Variants in MREG observed in about 807,000 individuals in gnomAD.
The protein encoded by MREG is melanoregulin.
MREG carries 31 observed loss-of-function variants against 28.5 expected under a neutral mutation model. The ratio of observed to expected loss-of-function variants is 1.09; its 90% confidence interval spans 0.82 to 1.47. The LOEUF (loss-of-function observed/expected upper bound fraction) is 1.47. Ranked by LOEUF, MREG falls within the 40% of genes most tolerant of loss-of-function variation. The probability of loss-of-function intolerance (pLI) is 0.00; values close to 1 mark genes in which losing one functional copy is unlikely to be tolerated. For synonymous variants in MREG, 106 were observed against 95.2 expected (o/e 1.11, Z -0.66); for missense variants, 256 against 257.4 (o/e 0.99, Z 0.04).
upstream of MREG, among the ~76,000 whole-genome samples, chr2:216,017,423 T>G (rs1381293503): frequency 6.6e-6 from 1 of 152,212 alleles, no homozygotes; most frequent in African/African-American, 2.4e-5. Context: ...GTGACCAAAC[T>G]CTCCAGTTTC....
At chr2:215,999,237 CTTCA>C (rs1693949551) in intron 1 of MREG, among the ~76,000 whole-genome samples, 1 of 152,214 alleles carries the variant, frequency 6.6e-6, no homozygotes, top group Non-Finnish European at 1.5e-5. Context: ...GGTGTCCAAG[CTTCA>C]TTCTGTGAAC....
At chr2:215,961,237 T>C (rs1692779140) in intron 2 of MREG, among the ~76,000 whole-genome samples, 1 of 152,240 alleles carries the variant, frequency 6.6e-6, no homozygotes, top group African/African-American at 2.4e-5. Context: ...AGCTTGGATG[T>C]CTCACCACTC....
chr2:215,959,910 C>T (rs886318770), intron 2 of MREG, among the ~76,000 whole-genome samples: 3 of 152,174 alleles, frequency 2.0e-5, no homozygotes, highest in Non-Finnish European at 4.4e-5. Context: ...TTTGAACTTC[C>T]TCAGTTCCTT....
intron 2 of MREG, among the ~76,000 whole-genome samples, chr2:215,956,137 GA>G (rs1198162899): frequency 2.6e-5 from 4 of 152,090 alleles, no homozygotes; most frequent in Non-Finnish European, 4.4e-5. Context: ...CTTTTAGGTC[GA>G]AAAAAATCAA....
chr2:215,946,466 T>A (rs941917945), intron 3 of MREG, among the ~76,000 whole-genome samples: 1 of 152,318 alleles, frequency 6.6e-6, no homozygotes, highest in East Asian at 1.9e-4. Context: ...GATTATATAA[T>A]GTGGGGGCCA....
chr2:216,005,391 T>C (rs1193605873), intron 1 of MREG, among the ~76,000 whole-genome samples: 1 of 114,866 alleles, frequency 8.7e-6, no homozygotes, highest in Non-Finnish European at 1.7e-5. Flanking sequence ...GGGCTGGCAA[T>C]AGCTATCTCT....
chr2:215,947,135 G>C, intron 2 of MREG, 22 bp from the exon 3 acceptor site: 2 of 1,528,794 alleles, frequency 1.3e-6, no homozygotes, highest in Non-Finnish European at 1.8e-6. Context: ...TAAAAGTTTA[G>C]TTTTATTTAT....
chr2:215,987,301 A>G lies in MREG; in HGVS notation c.255+9005T>C, dbSNP rs1310961232. 4.0e-5 allele frequency among the ~76,000 whole-genome samples: 6 copies of G among 148,534 alleles called. No individual in the cohort carries two copies. In the East Asian group the frequency reaches 1.2e-3, roughly 30 times the overall value. The stretch of plus-strand genomic sequence containing the variant: ...TGCTCTGTCACCCAGGCCAGAGTGC[A>G]GTGGCGTGATCTTGGCTCACTGCAA... On this transcript the variant is annotated intron_variant, in intron 2 of 4. Transcript: ENST00000263268.
intron 2 of MREG, among the ~76,000 whole-genome samples, chr2:215,961,762 CT>C (rs1692797440): frequency 1.3e-5 from 2 of 152,268 alleles, no homozygotes; most frequent in South Asian, 2.1e-4. Flanking sequence ...TCTACTTGCC[CT>C]TTCACTGAAT....
At chr2:216,029,652 T>C (rs563423789) in intron 1 of MREG, among the ~76,000 whole-genome samples, 2 of 152,356 alleles carry the variant, frequency 1.3e-5, no homozygotes, top group East Asian at 1.9e-4. Context: ...TGCTAAGTCA[T>C]GCTCACAAAC....
At position 216,010,924 on chromosome 2, in the gene MREG, G is replaced by A. The variant is rs941025842; in HGVS notation, c.95+2309C>T. 2.1e-4 allele frequency among the ~76,000 whole-genome samples: 32 copies of A among 150,930 alleles called. 2 individuals carry two copies. In the South Asian group the frequency reaches 2.5e-3, roughly 12 times the overall value. ...ATCCTGGATAACACGGTGAAACCCC[G>A]TCTCTACTAAAAATACAAAAAATTA... On this transcript the variant is annotated intron_variant, in intron 1 of 4. Coordinates refer to ENST00000263268, the MANE Select transcript of MREG (RefSeq NM_018000.3).
chr2:216,011,172 T>C (rs1210422329), intron 1 of MREG, among the ~76,000 whole-genome samples: 1 of 152,098 alleles, frequency 6.6e-6, no homozygotes, highest in East Asian at 1.9e-4. Context: ...TTGCATACTT[T>C]AAAAAATTTT....
At chr2:215,961,567 A>T (rs1203504496) in intron 2 of MREG, among the ~76,000 whole-genome samples, 1 of 152,116 alleles carries the variant, frequency 6.6e-6, no homozygotes, top group Non-Finnish European at 1.5e-5. Flanking sequence ...CTGAGATTAC[A>T]GGTGCCCACC....
At chr2:215,961,738 T>G (rs558937510) in intron 2 of MREG, among the ~76,000 whole-genome samples, 9 of 152,230 alleles carry the variant, frequency 5.9e-5, no homozygotes, top group Admixed American at 5.9e-4. Flanking sequence ...CTCCTCCTTT[T>G]TGACCCAGAG....
At chr2:216,009,926 G>T (rs1268746935) in intron 1 of MREG, among the ~76,000 whole-genome samples, 1 of 152,060 alleles carries the variant, frequency 6.6e-6, no homozygotes, top group Non-Finnish European at 1.5e-5. Context: ...AATGCTTTGG[G>T]CTCACACATC....
chr2:216,002,284 T>C (rs1173376985), intron 1 of MREG, among the ~76,000 whole-genome samples: 1 of 152,164 alleles, frequency 6.6e-6, no homozygotes, highest in East Asian at 1.9e-4. Context: ...AAGAGACAAA[T>C]GTTTGTAAGT....
chr2:216,022,151 T>C (rs2105930496), intron 1 of MREG, among the ~76,000 whole-genome samples: 1 of 152,246 alleles, frequency 6.6e-6, no homozygotes, highest in African/African-American at 2.4e-5. Context: ...CTTGGGAGGC[T>C]GAGACAGGAG....
At chr2:216,031,764 T>A (rs1255962940) in intron 1 of MREG, among the ~76,000 whole-genome samples, 1 of 152,022 alleles carries the variant, frequency 6.6e-6, no homozygotes. Context: ...ATTCCCCTAA[T>A]GTCCATACCA....
chr2:215,987,061 T>C (rs937023728), intron 2 of MREG, among the ~76,000 whole-genome samples: 3 of 152,124 alleles, frequency 2.0e-5, no homozygotes, highest in African/African-American at 4.8e-5. Context: ...GTTGAATAAG[T>C]GATGGTGAAT....
Sources: gnomAD v4.1 joint callset for allele counts (sites outside exome capture counted in the v4.1 genomes callset) on GRCh38, gnomAD v4.1.1 for gene constraint, MANE v1.5 for transcripts, NCBI Gene and HGNC (gene_info 2026-07-23, HGNC 2026-07-21) for gene names.